FHL1: variants seen among roughly 807,000 people sequenced by gnomAD.
FHL1 encodes the protein four and a half LIM domains 1, also known as four and a half LIM domains protein 1.
FHL1 carries 1 observed loss-of-function variant against 20.3 expected under a neutral mutation model. The observed-to-expected ratio is 0.05, with a 90% CI of 0.02 to 0.23. The LOEUF is 0.23. FHL1 is among the 10% of genes least tolerant of loss of function. The pLI is 1.00. For synonymous variants in FHL1, 82 were observed against 88.9 expected (o/e 0.92, Z 0.44); for missense variants, 177 against 234.0 (o/e 0.76, Z 1.59).
chrX:136,192,545 C>T (rs904863061), upstream of FHL1, among the ~76,000 whole-genome samples: 1 of 112,248 alleles, frequency 8.9e-6, no homozygotes, highest in Non-Finnish European at 1.9e-5. Flanking sequence ...AGGTGCTTTG[C>T]TGTTTACAGT....
At chrX:136,204,216 G>T (rs773470007) in intron 1 of FHL1, among the ~76,000 whole-genome samples, 1 of 112,702 alleles carries the variant, frequency 8.9e-6, no homozygotes, top group South Asian at 3.7e-4. Context: ...CGTTACTGGA[G>T]ATTTATTTGG....
At position 136,197,148 on chromosome X, in the gene FHL1, C is replaced by T; in HGVS notation, c.22+14C>T. The T allele has an allele frequency of 1.7e-6, 2 of 1,203,768 alleles. No individual in the cohort carries two copies. The highest frequency in any genetic ancestry group is 2.2e-6 in the Non-Finnish European group (2 of 888,989). On this transcript the variant is annotated intron_variant, in intron 1 of 5. Transcript: ENST00000370683. ...ATAGACACTCAGGTAAAACTTCATG[C>T]TCTTTATCTTATATTGAGCACAGTT... is the stretch of plus-strand genomic sequence containing the variant.
At chrX:136,209,425 G>C in intron 5 of FHL1, 1 of 1,210,738 alleles carries the variant, frequency 8.3e-7, no homozygotes, top group Non-Finnish European at 1.1e-6. Flanking sequence ...TCGAAGCTTA[G>C]CAGCTCCTCG....
chrX:136,157,357 C>T (rs2072449791), intron 1 of FHL1, among the ~76,000 whole-genome samples: 1 of 111,348 alleles, frequency 9.0e-6, no homozygotes, highest in African/African-American at 3.3e-5. Flanking sequence ...CAGCTAATCA[C>T]ACTAAGGAAA....
At chrX:136,149,554 C>T (rs1228835675) in intron 1 of FHL1, among the ~76,000 whole-genome samples, 2 of 112,050 alleles carry the variant, frequency 1.8e-5, no homozygotes, top group Non-Finnish European at 3.8e-5. Flanking sequence ...TAGTCTAAGA[C>T]TATCATATAG....
intron 1 of FHL1, 62 bp downstream of exon 1, chrX:136,197,196 A>G (rs2073579833): frequency 9.9e-7 from 1 of 1,014,668 alleles, no homozygotes. Context: ...TGAATCCGTC[A>G]TTGGGCTAAA....
chrX:136,178,051 T>A (rs1363728289), intron 2 of FHL1, among the ~76,000 whole-genome samples: 1 of 112,023 alleles, frequency 8.9e-6, no homozygotes, highest in African/African-American at 3.2e-5. Context: ...ATCAGTACAG[T>A]AAGCATAGCT....
At chrX:136,158,323 G>A (rs938806445) in intron 1 of FHL1, among the ~76,000 whole-genome samples, 1 of 112,027 alleles carries the variant, frequency 8.9e-6, no homozygotes, top group African/African-American at 3.2e-5. Context: ...GCTGCATTGA[G>A]ATGGAGTTTG....
intron 2 of FHL1, among the ~76,000 whole-genome samples, chrX:136,183,124 C>A (rs868795515): frequency 4.2e-4 from 43 of 103,032 alleles, no homozygotes; most frequent in African/African-American, 1.2e-3. Flanking sequence ...AACAAACAAA[C>A]AAAAAAAAAA....
rs141370563 is a variant in FHL1 at position 136,183,511 on chromosome X, T to C, written c.-27+13531T>C. Among the ~76,000 whole-genome samples, 379 of 112,132 alleles carry C rather than the reference T, an allele frequency of 3.4e-3. 2 individuals are homozygous for C. The highest frequency in any genetic ancestry group is 0.011 in the African/African-American group (354 of 30,815). ...GAATAGTTAAGTTTAAAACTATATCTAGTTTCCGTTATAGCTCAAGTTTAT... is the reference window on the plus strand; with the variant it reads ...GAATAGTTAAGTTTAAAACTATATCCAGTTTCCGTTATAGCTCAAGTTTAT... On this transcript the variant is annotated intron_variant, in intron 2 of 6. Transcript: ENST00000394153.
intron 1 of FHL1, among the ~76,000 whole-genome samples, chrX:136,203,475 C>G (rs1004099384): frequency 3.6e-5 from 4 of 111,974 alleles, no homozygotes; most frequent in African/African-American, 1.3e-4. Flanking sequence ...GGGGTTGATT[C>G]ATTTAATTTT....
At chrX:136,172,476 G>A (rs1384758763) in intron 2 of FHL1, among the ~76,000 whole-genome samples, 1 of 112,275 alleles carries the variant, frequency 8.9e-6, no homozygotes, top group Non-Finnish European at 1.9e-5. Context: ...AGGTATGGAT[G>A]CAGGGGTACA....
intron 2 of FHL1, among the ~76,000 whole-genome samples, chrX:136,175,922 A>G (rs1181152450): frequency 8.9e-6 from 1 of 112,272 alleles, no homozygotes; most frequent in Non-Finnish European, 1.9e-5. Flanking sequence ...ACTTAACTCC[A>G]TATCACAAGC....
chrX:136,157,663 C>T (rs891963157), intron 1 of FHL1, among the ~76,000 whole-genome samples: 1 of 110,814 alleles, frequency 9.0e-6, no homozygotes, highest in African/African-American at 3.3e-5. Flanking sequence ...TCCCGTTATG[C>T]TTTTGTGTGA....
intron 2 of FHL1, among the ~76,000 whole-genome samples, chrX:136,170,680 G>A (rs1483470869): frequency 1.8e-5 from 2 of 110,888 alleles, no homozygotes; most frequent in African/African-American, 6.6e-5. Context: ...AATAATGAAG[G>A]AATCTAAGAG....
Position 136,197,048 on chromosome X carries a change from G to A in FHL1, c.-65G>A. The A allele has an allele frequency of 8.7e-7, 1 of 1,150,944 alleles. No homozygotes were observed. The highest frequency in any genetic ancestry group is 1.2e-6 in the Non-Finnish European group (1 of 844,436). 94.9% of individuals were successfully genotyped at this position (1,150,944 alleles called of 1,213,427 possible). ...AATGTATGTTCACAAATGAGCCACA[G>A]CCTTATCAGCTGGGGTTGAGGGAAG... On this transcript the variant is annotated 5_prime_UTR_variant, in exon 1 of 6. Transcript: ENST00000370683.
rs9018 is a variant in FHL1, at chrX:136,210,923, G to A, written c.*898G>A. ...CCTGCAGTGCTGAAATTCATCCTAC[G>A]GAAGTAACCGCAAAACTCTAGAGGG... On this transcript the variant is annotated 3_prime_UTR_variant, in exon 6 of 6. Coordinates refer to ENST00000370683, the MANE Select transcript of FHL1 (RefSeq NM_001159699.2). 188,121 of 380,390 alleles carry A rather than the reference G, an allele frequency of 0.49. 30,721 individuals are homozygous for A. Among genetic ancestry groups the A allele is most frequent in the East Asian group, 0.66 (11,894 of 17,940 alleles). 31.3% of individuals were successfully genotyped at this position (380,390 alleles called of 1,213,427 possible).
chrX:136,183,112 A>AAAC, intron 2 of FHL1, among the ~76,000 whole-genome samples: 1 of 97,940 alleles, frequency 1.0e-5, no homozygotes, highest in African/African-American at 3.4e-5. Flanking sequence ...AAAAAAACAA[A>AAAC]AAACAAACAA....
chrX:136,154,360 A>G (rs972540311), intron 1 of FHL1, among the ~76,000 whole-genome samples: 6 of 112,379 alleles, frequency 5.3e-5, no homozygotes, highest in African/African-American at 1.9e-4. Context: ...GTAATTGAAC[A>G]TTTAGTGATG....
Sources: gnomAD v4.1 joint callset for allele counts (sites outside exome capture counted in the v4.1 genomes callset) on GRCh38, gnomAD v4.1.1 for gene constraint, MANE v1.5 for transcripts, NCBI Gene and HGNC (gene_info 2026-07-23, HGNC 2026-07-21) for gene names.